Variants in LCP1 observed in about 807,000 individuals in gnomAD.
LCP1 encodes lymphocyte cytosolic protein 1.
Under a neutral mutation model 72.0 loss-of-function variants are expected in LCP1, and 23 were observed. That is an observed-to-expected ratio of 0.32 (90% CI 0.23 to 0.45). The LOEUF (loss-of-function observed/expected upper bound fraction) is 0.45. Among genes scored for constraint, LCP1 ranks in the 20% least tolerant of loss-of-function variants. The probability of loss-of-function intolerance (pLI) is 1.00; values close to 1 mark genes in which losing one functional copy is unlikely to be tolerated. For synonymous variants in LCP1, 245 were observed against 275.4 expected (o/e 0.89, Z 1.09); for missense variants, 571 against 748.3 (o/e 0.76, Z 2.76).
Position 46,126,710 on chromosome 13 carries a change from T to C in LCP1, c.*881A>G, listed in dbSNP as rs2045600586. ...CTAAATGCCTGGAGAGGCAGAACCC[T>C]AAAGGATGCTTAGTTATAGCTCCAT... is the stretch of plus-strand genomic sequence containing the variant. On this transcript the variant is annotated 3_prime_UTR_variant, in exon 16 of 16. Coordinates refer to ENST00000323076, the MANE Select transcript of LCP1 (RefSeq NM_002298.5). The C allele has an allele frequency of 4.3e-6, 1 of 231,350 alleles. No individual in the cohort carries two copies. The highest frequency in any genetic ancestry group is 8.5e-6 in the Non-Finnish European group (1 of 116,960). The allele number at this position is 231,350 out of a possible 1,614,324, so 14.3% of individuals were successfully genotyped here. A position where few individuals can be genotyped will look rare whatever the true frequency, so the allele number is the denominator to read the frequency against.
rs147167030 is a variant in LCP1 at position 46,154,808 on chromosome 13, A to G, written c.570T>C (p.Ile190=). The G allele has an allele frequency of 7.9e-4, 1,277 of 1,612,600 alleles. 5 individuals are homozygous for G. Among genetic ancestry groups the G allele is most frequent in the Admixed American group, 2.4e-3 (146 of 60,016 alleles). Residue 190 remains isoleucine, a synonymous_variant, in exon 6 of 16, where the codon ATT becomes ATC. Transcript: ENST00000323076. The part of the protein sequence containing the change: ...INKKKLTPFT[I]QENLNLALNS... Reference sequence around the variant, plus strand: ...TGGTAACGGTGGGAAGACATACCTGAATGGTGAAAGGGGTTAGCTTCTTTT... The same window carrying G: ...TGGTAACGGTGGGAAGACATACCTGGATGGTGAAAGGGGTTAGCTTCTTTT...
At chr13:46,153,381 G>A (rs1239891874) in intron 6 of LCP1, 1 of 152,762 alleles carries the variant, frequency 6.5e-6, no homozygotes, top group East Asian at 1.9e-4. Context: ...TAGCAGAAGA[G>A]CTTTTTGACT....
chr13:46,180,314 A>G (rs1344591659), intron 1 of LCP1, among the ~76,000 whole-genome samples: 3 of 152,202 alleles, frequency 2.0e-5, no homozygotes, highest in African/African-American at 4.8e-5. Flanking sequence ...ATTGAGTGCT[A>G]TTATTAATTT....
intron 13 of LCP1, among the ~76,000 whole-genome samples, chr13:46,138,136 T>G (rs1297614229): frequency 6.6e-6 from 1 of 152,216 alleles, no homozygotes; most frequent in Non-Finnish European, 1.5e-5. Flanking sequence ...CATATGCTGT[T>G]TGCCAACTGT....
intron 4 of LCP1, among the ~76,000 whole-genome samples, chr13:46,157,699 C>T (rs575421126): frequency 6.7e-6 from 1 of 150,258 alleles, no homozygotes; most frequent in South Asian, 2.1e-4. Flanking sequence ...AAAGGCCAAA[C>T]GTTGTCTTAG....
intron 15 of LCP1, 66 bp downstream of exon 15, chr13:46,130,748 T>A (rs2045628663): frequency 1.3e-6 from 2 of 1,590,722 alleles, no homozygotes; most frequent in Admixed American, 3.4e-5. Context: ...GCATTAGACT[T>A]TACAACCATC....
chr13:46,147,824 A>T (rs2045739952), intron 9 of LCP1, among the ~76,000 whole-genome samples: 1 of 152,140 alleles, frequency 6.6e-6, no homozygotes, highest in South Asian at 2.1e-4. Flanking sequence ...AGAAAACAAA[A>T]CTTTAAATTA....
In LCP1 at chr13:46,146,926, C is replaced by A. The variant is rs894633857; in HGVS notation, c.1156G>T (p.Asp386Tyr). The A allele has an allele frequency of 6.2e-7, 1 of 1,614,124 alleles. No homozygotes were observed. Among genetic ancestry groups the A allele is most frequent in the South Asian group, 1.1e-5 (1 of 91,044 alleles). The change falls in exon 10 of 16, where the codon GAC becomes TAC. Residue 386 changes from aspartate to tyrosine, a missense_variant. By Grantham distance (160) the Asp-to-Tyr change is radical (BLOSUM62 -3). Transcript: ENST00000323076. ...ALHKPENQDI[D>Y]WGALEGETRE... ...CAGTTACCTTCAAGAGCCCCCCAGT[C>A]AATGTCCTGGTTCTCTGGTTTGTGC...
chr13:46,162,215 T>A (rs781460148), intron 1 of LCP1, among the ~76,000 whole-genome samples: 2 of 150,334 alleles, frequency 1.3e-5, no homozygotes, highest in African/African-American at 2.5e-5. Flanking sequence ...ATCCCATCCA[T>A]CCATTTATTC....
chr13:46,163,441 G>A (rs1218476868), intron 1 of LCP1, among the ~76,000 whole-genome samples: 2 of 152,110 alleles, frequency 1.3e-5, no homozygotes, highest in South Asian at 2.1e-4. Flanking sequence ...AAGGCAGCAT[G>A]CTCGTTAAGA....
At chr13:46,133,057 A>C (rs1308933694) in intron 14 of LCP1, among the ~76,000 whole-genome samples, 1 of 152,170 alleles carries the variant, frequency 6.6e-6, no homozygotes, top group Non-Finnish European at 1.5e-5. Context: ...TTAATGCATG[A>C]AACATGAGTC....
intron 12 of LCP1, chr13:46,142,940 CTGTT>C (rs1411830454): frequency 3.4e-5 from 12 of 348,602 alleles, no homozygotes; most frequent in South Asian, 1.9e-4. Context: ...AGTCGACAAA[CTGTT>C]TGAACAAGTC....
At chr13:46,161,791 T>TA (rs1284643725) in intron 1 of LCP1, among the ~76,000 whole-genome samples, 2 of 152,188 alleles carry the variant, frequency 1.3e-5, no homozygotes, top group Non-Finnish European at 2.9e-5. Flanking sequence ...ACCCCGCATG[T>TA]TTTGCTACAA....
rs751944600 is a variant in LCP1 at position 46,130,894 on chromosome 13, AT to A, written c.1670del (p.Asp557ValfsTer13). 1.9e-6 allele frequency: 3 copies of A among 1,612,794 alleles called. No individual in the cohort carries two copies. The highest frequency in any genetic ancestry group is 1.7e-6 in the Non-Finnish European group (2 of 1,179,490). ...STSLPVLDLI[D>X]AIQPGSINYD... The stretch of plus-strand genomic sequence containing the variant: ...AGTTAATGGAACCTGGTTGGATGGC[AT>A]CGATGAGGTCCAGAACAGGCAGACT... On this transcript the variant is annotated frameshift_variant, in exon 15 of 16. Transcript: ENST00000323076. LOFTEE classifies it high-confidence loss of function.
Position 46,158,774 on chromosome 13 carries a change from AT to A in LCP1, c.228+51del, listed in dbSNP as rs2045819477. The A allele has an allele frequency of 4.4e-5, 71 of 1,604,854 alleles. No individual in the cohort carries two copies. The South Asian group carries it at 7.2e-4, about 16-fold the overall frequency. ...CTTTCTGGATATTTTTTAAAACAGA[AT>A]TCAAGTTCCAAGTTTCAAATGTGTC... is the stretch of plus-strand genomic sequence containing the variant. On this transcript the variant is annotated intron_variant, in intron 3 of 15. Coordinates refer to ENST00000323076, the MANE Select transcript of LCP1 (RefSeq NM_002298.5).
chr13:46,176,969 G>T (rs1392362123), intron 1 of LCP1, among the ~76,000 whole-genome samples: 1 of 151,982 alleles, frequency 6.6e-6, no homozygotes, highest in East Asian at 1.9e-4. Context: ...GCTGAAATAA[G>T]AATCAATGCT....
At position 46,159,047 on chromosome 13, in the gene LCP1, A is replaced by G; in HGVS notation, c.65-58T>C. ...ACGATTCAGGCAACAGCTTTTAGAG[A>G]GGTGAGGGAAGACTAGATGGAAGGT... On this transcript the variant is annotated intron_variant, in intron 2 of 15. Coordinates refer to ENST00000323076, the MANE Select transcript of LCP1 (RefSeq NM_002298.5). 9 of 1,526,772 alleles carry G rather than the reference A, an allele frequency of 5.9e-6. No homozygotes were observed. The South Asian group carries it at 1.0e-4, about 17-fold the overall frequency. 94.6% of individuals were successfully genotyped at this position (1,526,772 alleles called of 1,614,324 possible).
intron 1 of LCP1, among the ~76,000 whole-genome samples, chr13:46,171,922 C>A (rs186004469): frequency 1.3e-5 from 2 of 152,340 alleles, no homozygotes; most frequent in African/African-American, 4.8e-5. Flanking sequence ...TCGCAGAATG[C>A]GAAACTCAGG....
intron 9 of LCP1, 22 bp downstream of exon 9, chr13:46,148,330 C>T: frequency 6.5e-7 from 1 of 1,548,156 alleles, no homozygotes; most frequent in Middle Eastern, 1.7e-4. Flanking sequence ...ATTCTCCAAA[C>T]ACAACTGGGA....
Sources: gnomAD v4.1 joint callset for allele counts (sites outside exome capture counted in the v4.1 genomes callset) on GRCh38, gnomAD v4.1.1 for gene constraint, MANE v1.5 for transcripts, NCBI Gene and HGNC (gene_info 2026-07-23, HGNC 2026-07-21) for gene names.